The following ASIC2 variants were observed in gnomAD, a reference collection of about 807,000 sequenced individuals.
ASIC2 encodes acid sensing ion channel subunit 2.
A neutral mutation model predicts 57.3 loss-of-function variants in ASIC2; 25 were observed. The ratio of observed to expected loss-of-function variants is 0.44; its 90% CI spans 0.32 to 0.61. The LOEUF is 0.61. Among genes scored for constraint, ASIC2 ranks in the 20% least tolerant of loss-of-function variants. The pLI is 0.06. For synonymous variants in ASIC2, 319 were observed against 307.5 expected, an observed-to-expected ratio of 1.04 and a Z score of -0.39; for missense variants, 641 against 738.1, an observed-to-expected ratio of 0.87 and a Z score of 1.52.
chr17:33,796,409 C>T (rs1182711887), intron 1 of ASIC2, among the ~76,000 whole-genome samples: 2 of 152,056 alleles, frequency 1.3e-5, no homozygotes, highest in Non-Finnish European at 2.9e-5. Flanking sequence ...TCTTAACTTC[C>T]AAGGATTTTG....
At position 33,878,586 on chromosome 17, in the gene ASIC2, T is replaced by A. The variant is rs1372346188; in HGVS notation, c.555+277392A>T. The stretch of plus-strand genomic sequence containing the variant: ...AGAATAAAAAGAAATGAACGAAGCC[T>A]CCAAGAAATATGGCACTATGTGAAA... On this transcript the variant is annotated intron_variant, in intron 1 of 9. Coordinates refer to the ASIC2 transcript ENST00000359872. Among the ~76,000 whole-genome samples, 3 of 152,306 alleles carry A rather than the reference T, an allele frequency of 2.0e-5. No homozygotes were observed. In the East Asian group the frequency reaches 5.8e-4, roughly 29 times the overall value.
intron 1 of ASIC2, among the ~76,000 whole-genome samples, chr17:33,979,744 A>G (rs1233857536): frequency 1.3e-5 from 2 of 152,238 alleles, no homozygotes; most frequent in Non-Finnish European, 2.9e-5. Context: ...TCATTACTCA[A>G]GGTGACATCA....
intron 1 of ASIC2, among the ~76,000 whole-genome samples, chr17:33,430,380 T>C (rs1911367616): frequency 6.6e-6 from 1 of 151,790 alleles, no homozygotes; most frequent in Admixed American, 6.6e-5. Flanking sequence ...GCATCAAGAG[T>C]AGGGCACCAA....
chr17:33,284,814 G>A (rs1041356772), intron 1 of ASIC2, among the ~76,000 whole-genome samples: 1 of 152,150 alleles, frequency 6.6e-6, no homozygotes, highest in Admixed American at 6.5e-5. Flanking sequence ...GAATGTGACT[G>A]TTTATGTAAC....
chr17:33,809,977 C>T (rs1912373217), intron 1 of ASIC2, among the ~76,000 whole-genome samples: 3 of 152,198 alleles, frequency 2.0e-5, no homozygotes, highest in South Asian at 2.1e-4. Flanking sequence ...TGAATTCCCA[C>T]CTGCTGATCT....
At chr17:33,867,243 G>A (rs571731572) in intron 1 of ASIC2, among the ~76,000 whole-genome samples, 96 of 145,956 alleles carry the variant, frequency 6.6e-4, no homozygotes, top group South Asian at 6.0e-3. Flanking sequence ...TAGATTTTCA[G>A]GCTGGCTGAA....
At chr17:33,529,121 G>A (rs1914973179) in intron 1 of ASIC2, among the ~76,000 whole-genome samples, 1 of 152,216 alleles carries the variant, frequency 6.6e-6, no homozygotes, top group African/African-American at 2.4e-5. Context: ...CTCCCACAAG[G>A]GGAGTGAACT....
At chr17:33,046,284 G>A (rs780462004) in intron 3 of ASIC2, among the ~76,000 whole-genome samples, 4 of 152,146 alleles carry the variant, frequency 2.6e-5, no homozygotes, top group African/African-American at 4.8e-5. Context: ...TTGGAATAGC[G>A]GCCTTTTATT....
chr17:33,781,070 G>A (rs143348353), intron 1 of ASIC2, among the ~76,000 whole-genome samples: 2 of 152,182 alleles, frequency 1.3e-5, no homozygotes. Flanking sequence ...GAAACTCAAG[G>A]CATACAGAGG....
upstream of ASIC2, among the ~76,000 whole-genome samples, chr17:33,297,562 G>A (rs1308279441): frequency 3.3e-5 from 5 of 152,056 alleles, no homozygotes; most frequent in South Asian, 2.1e-4. Context: ...AGTGGCTCAC[G>A]CCTGTAATCC....
chr17:33,430,704 T>C (rs1046576683), intron 1 of ASIC2, among the ~76,000 whole-genome samples: 1 of 152,198 alleles, frequency 6.6e-6, no homozygotes, highest in African/African-American at 2.4e-5. Context: ...TTGTAACTTC[T>C]CAAGATAAGC....
Position 33,683,001 on chromosome 17 carries a change from G to T in ASIC2, c.555+472977C>A, listed in dbSNP as rs146034806. Reference sequence around the variant, plus strand: ...AGTAGCAAGTGCTACATATTGAGTGGATTAAACAACAGAAATGTACTGCCT... The same window carrying T: ...AGTAGCAAGTGCTACATATTGAGTGTATTAAACAACAGAAATGTACTGCCT... On this transcript the variant is annotated intron_variant, in intron 1 of 9. Transcript: ENST00000359872. Among the ~76,000 whole-genome samples the T allele has an allele frequency of 2.8e-3, 424 of 152,294 alleles. 4 individuals carry two copies. The highest frequency in any genetic ancestry group is 9.7e-3 in the African/African-American group (403 of 41,556).
chr17:33,361,953 A>G (rs1908624305), intron 1 of ASIC2, among the ~76,000 whole-genome samples: 1 of 152,172 alleles, frequency 6.6e-6, no homozygotes, highest in African/African-American at 2.4e-5. Context: ...GGTCTCTCCA[A>G]TGACTTCTTT....
intron 1 of ASIC2, among the ~76,000 whole-genome samples, chr17:33,609,526 A>G (rs1158479602): frequency 1.3e-5 from 2 of 152,126 alleles, no homozygotes; most frequent in Admixed American, 6.5e-5. Context: ...ATCAGGTTAA[A>G]TGCTGCCCCC....
chr17:34,064,935 T>C (rs1225953809), intron 1 of ASIC2, among the ~76,000 whole-genome samples: 1 of 152,218 alleles, frequency 6.6e-6, no homozygotes, highest in Non-Finnish European at 1.5e-5. Context: ...CTAGTGGGAA[T>C]GTAAACTAGT....
chr17:33,572,252 A>G (rs1334520335), intron 1 of ASIC2: 1 of 152,108 alleles, frequency 6.6e-6, no homozygotes, highest in Non-Finnish European at 1.5e-5. Flanking sequence ...CCTCAGAGAG[A>G]GCCCACAAGA....
In ASIC2 at chr17:33,630,538, A is replaced by G. The variant is rs368408822; in HGVS notation, c.556-518471T>C. On this transcript the variant is annotated intron_variant, in intron 1 of 9. Transcript: ENST00000359872. ...GTGCACTGATGTCCCCTTTAGGACC[A>G]TGCCACTTAGCTCTCTATGACAAGC... Among the ~76,000 whole-genome samples the G allele has an allele frequency of 7.9e-5, 12 of 152,306 alleles. No individual in the cohort carries two copies. The South Asian group carries it at 2.3e-3, about 29-fold the overall frequency.
chr17:33,672,427 TA>T (rs35026243), intron 1 of ASIC2, among the ~76,000 whole-genome samples: 2,443 of 141,308 alleles, frequency 0.017, 40 homozygotes, highest in African/African-American at 0.045. Context: ...ACTCCTTGCT[TA>T]AAAAAAAAAA....
chr17:33,484,162 G>T (rs986308636), intron 1 of ASIC2, among the ~76,000 whole-genome samples: 4 of 152,230 alleles, frequency 2.6e-5, no homozygotes, highest in African/African-American at 9.6e-5. Context: ...AACTACAACA[G>T]AATACATTTG....
Sources: gnomAD v4.1 joint callset for allele counts (sites outside exome capture counted in the v4.1 genomes callset) on GRCh38, gnomAD v4.1.1 for gene constraint, MANE v1.5 for transcripts, NCBI Gene and HGNC (gene_info 2026-07-23, HGNC 2026-07-21) for gene names.